The following SETD1B variants were observed in gnomAD, a reference collection of about 807,000 sequenced individuals.
SETD1B encodes the protein SET domain containing 1B, histone lysine methyltransferase, also known as histone-lysine N-methyltransferase SETD1B.
In SETD1B, 7 loss-of-function variants were observed where a neutral mutation model predicts 148.0. That is an observed-to-expected ratio of 0.05 (90% confidence interval 0.03 to 0.09). The LOEUF (loss-of-function observed/expected upper bound fraction) is 0.09. SETD1B is among the 10% of genes least tolerant of loss of function. The pLI is 1.00. For missense variants in SETD1B, 2,155 were observed against 2,729.9 expected, an observed-to-expected ratio of 0.79 and a Z score of 4.69; for synonymous variants, 1,361 against 1,186.5, an observed-to-expected ratio of 1.15 and a Z score of -3.02.
At chr12:121,793,592 A>C in the SETD1B span, 1 of 1,552,176 alleles carries the variant, frequency 6.4e-7, no homozygotes, top group Non-Finnish European at 8.7e-7. Context: ...TCCTGCCCGG[A>C]CCGGGGGCGG....
chr12:121,817,097 G>A lies in SETD1B; in HGVS notation c.2780G>A (p.Arg927His), dbSNP rs1238693161. ...GAGGACAGGCCGAAGCCCAAGGACC[G>A]CATCGCCTCGTGCCTGCTGGAGTCA... ...KDEDRPKPKD[R>H]IASCLLESWG... Residue 927 changes from arginine (R) to histidine (H), a missense_variant, in exon 8 of 17, where the codon CGC becomes CAC. Arg to His is a conservative substitution (Grantham distance 29, BLOSUM62 0). Coordinates refer to ENST00000604567, the MANE Select transcript of SETD1B (RefSeq NM_001353345.2). This position sits in a 1 kb window ranked among gnomAD's most constrained non-coding sequence, Gnocchi z 8.1. 5.8e-5 allele frequency: 90 copies of A among 1,548,754 alleles called. No individual in the cohort carries two copies. The highest frequency in any genetic ancestry group is 7.3e-5 in the East Asian group (3 of 40,914).
the SETD1B span, among the ~76,000 whole-genome samples, chr12:121,790,656 T>A: frequency 6.6e-6 from 1 of 152,148 alleles, no homozygotes; most frequent in Non-Finnish European, 1.5e-5. Context: ...CCAGATCTCT[T>A]CTCCCTGGGT....
At chr12:121,826,725 G>A (rs555035450) in intron 13 of SETD1B, among the ~76,000 whole-genome samples, 170 of 152,210 alleles carry the variant, frequency 1.1e-3, no homozygotes, top group Middle Eastern at 3.4e-3. Context: ...CGGATGTGCC[G>A]GACTTAGCTG....
chr12:121,816,361 C>T (rs892108235), intron 7 of SETD1B, among the ~76,000 whole-genome samples: 1 of 151,928 alleles, frequency 6.6e-6, no homozygotes, highest in Non-Finnish European at 1.5e-5. Flanking sequence ...GTAAGCAGCA[C>T]TTGTCAGAGC....
rs927501458 is a variant in SETD1B, at chr12:121,817,956, G to A, written c.3418+52G>A. The A allele has an allele frequency of 1.3e-5, 19 of 1,470,652 alleles. No homozygotes were observed. Among genetic ancestry groups the A allele is most frequent in the African/African-American group, 1.0e-4 (7 of 70,266 alleles). The allele number at this position is 1,470,652 out of a possible 1,614,324, so 91.1% of individuals were successfully genotyped here. On this transcript the variant is annotated intron_variant, in intron 10 of 16. Transcript: ENST00000604567. The surrounding 1 kb of genome is among the most constrained non-coding windows in gnomAD (Gnocchi z 8.1). The stretch of plus-strand genomic sequence containing the variant: ...GCCCTCCCGGAGTCCCTCTTTCCCC[G>A]GGGCAGAGCCTGAGCAATTGTCAGA...
In SETD1B at chr12:121,808,796, G is replaced by A. The variant is rs991697249; in HGVS notation, c.657+476G>A. ...CAGGACACAGGGACAACTCTCGCGT[G>A]GGGCGAGTCTCATGCCAGCTCCTCC... On this transcript the variant is annotated intron_variant, in intron 5 of 16. Coordinates refer to ENST00000604567, the MANE Select transcript of SETD1B (RefSeq NM_001353345.2). The surrounding 1 kb of genome is among the most constrained non-coding windows in gnomAD (Gnocchi z 5.3). 3.3e-5 allele frequency among the ~76,000 whole-genome samples: 5 copies of A among 152,220 alleles called. No individual in the cohort carries two copies. The highest frequency in any genetic ancestry group is 1.2e-4 in the African/African-American group (5 of 41,452).
In SETD1B at chr12:121,804,714, T is replaced by C. The variant is rs1339972832; in HGVS notation, c.-14-10T>C. 1.3e-6 allele frequency: 2 copies of C among 1,546,420 alleles called. No homozygotes were observed. The highest frequency in any genetic ancestry group is 2.4e-5 in the South Asian group (2 of 83,660). On this transcript the variant is annotated splice_polypyrimidine_tract_variant and intron_variant, in intron 1 of 16. Coordinates refer to ENST00000604567, the MANE Select transcript of SETD1B (RefSeq NM_001353345.2). This position sits in a 1 kb window ranked among gnomAD's most constrained non-coding sequence, Gnocchi z 4.6. ...CGCGGCGGAGACGACAACAACTTGC[T>C]GGTTTTCAGGTTGGGTTAACGGCAT...
At position 121,827,449 on chromosome 12, in the gene SETD1B, TC is replaced by T. The variant is rs1312183746; in HGVS notation, c.5338-68del. 3.4e-6 allele frequency: 5 copies of T among 1,457,012 alleles called. No individual in the cohort carries two copies. The Admixed American group carries it at 1.2e-4, about 36-fold the overall frequency. 90.3% of individuals were successfully genotyped at this position (1,457,012 alleles called of 1,614,324 possible). On this transcript the variant is annotated intron_variant, in intron 13 of 16. Coordinates refer to ENST00000604567, the MANE Select transcript of SETD1B (RefSeq NM_001353345.2). ...CCCAGGACACTGGGGATGACAGAGA[TC>T]CAGAGCCTAGGGTGGGACCGCCGAG...
chr12:121,829,440 G>A (rs1386573091), intron 16 of SETD1B, among the ~76,000 whole-genome samples: 1 of 152,206 alleles, frequency 6.6e-6, no homozygotes, highest in Non-Finnish European at 1.5e-5. Flanking sequence ...TCTGGGGCCT[G>A]GGTGTGTGGT....
At chr12:121,793,317 C>T in the SETD1B span, 1 of 1,458,264 alleles carries the variant, frequency 6.9e-7, no homozygotes. Context: ...CTGTCCACCC[C>T]CCTCACTCGT....
At chr12:121,824,984 A>T (rs1876770141) in intron 12 of SETD1B, among the ~76,000 whole-genome samples, 2 of 151,350 alleles carry the variant, frequency 1.3e-5, no homozygotes, top group South Asian at 4.2e-4. Flanking sequence ...TGTCTCAAAA[A>T]AAAAAAAAAA....
chr12:121,805,077 G>C lies in SETD1B; in HGVS notation c.175-41G>C. 1 of 1,535,244 alleles carries C rather than the reference G, an allele frequency of 6.5e-7. No individual in the cohort carries two copies. The highest frequency in any genetic ancestry group is 8.8e-7 in the Non-Finnish European group (1 of 1,132,396). Reference sequence around the variant, plus strand: ...AAAGGGGTCTGCCCATGGGGAGGGGGACCAGTTCTCTCATCCCGGCCCCCC... The same window carrying C: ...AAAGGGGTCTGCCCATGGGGAGGGGCACCAGTTCTCTCATCCCGGCCCCCC... On this transcript the variant is annotated intron_variant, in intron 2 of 16. Transcript: ENST00000604567. The surrounding 1 kb of genome is among the most constrained non-coding windows in gnomAD (Gnocchi z 4.2).
intron 7 of SETD1B, among the ~76,000 whole-genome samples, chr12:121,815,880 T>G (rs140685269): frequency 2.9e-4 from 43 of 147,438 alleles, no homozygotes; most frequent in African/African-American, 1.0e-3. Context: ...CTGGCTGGAG[T>G]GCAATGGCGT....
chr12:121,827,813 G>A lies in SETD1B; in HGVS notation c.5548G>A (p.Asp1850Asn). 2 of 1,560,162 alleles carry A rather than the reference G, an allele frequency of 1.3e-6. No homozygotes were observed. Among genetic ancestry groups the A allele is most frequent in the Non-Finnish European group, 1.7e-6 (2 of 1,151,308 alleles). ...GLFAMEPIAADEMVIEYVGQN... is the reference protein window; with the variant it reads ...GLFAMEPIAANEMVIEYVGQN... ...GTTCGCCATGGAGCCCATCGCGGCT[G>A]ACGAGATGGTCATCGAGTACGTGGG... The change falls in exon 15 of 17, where the codon GAC becomes AAC. Residue 1850 changes from aspartate to asparagine, a missense_variant. Asp to Asn is a conservative substitution (Grantham distance 23, BLOSUM62 1). This residue lies in a region of SETD1B where 51 missense variants were observed against 162.8 expected (regional missense o/e 0.31). Transcript: ENST00000604567.
At chr12:121,829,642 G>A (rs1877000061) in intron 16 of SETD1B, among the ~76,000 whole-genome samples, 1 of 152,322 alleles carries the variant, frequency 6.6e-6, no homozygotes, top group Admixed American at 6.5e-5. Flanking sequence ...GGCAACTACT[G>A]AACTTGGCTA....
chr12:121,797,185 C>G, the SETD1B span: 5 of 348,242 alleles, frequency 1.4e-5, no homozygotes, highest in Admixed American at 3.9e-5. Context: ...GAGGCTGTGT[C>G]TCCACCCAGA....
the SETD1B span, among the ~76,000 whole-genome samples, chr12:121,791,103 G>A: frequency 1.3e-5 from 2 of 151,634 alleles, no homozygotes; most frequent in South Asian, 2.1e-4. Context: ...TGAACTCCTG[G>A]CTTCAAGCAA....
intron 16 of SETD1B, 77 bp from the exon 17 acceptor site, chr12:121,829,989 G>T: frequency 7.2e-7 from 1 of 1,395,318 alleles, no homozygotes; most frequent in Non-Finnish European, 9.7e-7. Flanking sequence ...CACAGGCCTG[G>T]TTGGGTTTGG....
chr12:121,823,615 C>G lies in SETD1B; in HGVS notation c.5036C>G (p.Thr1679Ser), dbSNP rs1160885509. Residue 1679 changes from threonine to serine, a missense_variant, in exon 12 of 17, where the codon ACC becomes AGC. Transcript: ENST00000604567. ...FRPRSEFEEM[T>S]ILYDIWNGGI... Reference sequence around the variant, plus strand: ...CCCCGCTCGGAGTTTGAGGAGATGACCATCCTGTATGACATCTGGAACGGT... The same window carrying G: ...CCCCGCTCGGAGTTTGAGGAGATGAGCATCCTGTATGACATCTGGAACGGT... 1 of 1,551,540 alleles carries G rather than the reference C, an allele frequency of 6.4e-7. No homozygotes were observed. The highest frequency in any genetic ancestry group is 2.0e-5 in the Admixed American group (1 of 51,002).
Sources: gnomAD v4.1 joint callset for allele counts (sites outside exome capture counted in the v4.1 genomes callset) on GRCh38, gnomAD v4.1.1 for gene constraint, gnomAD v4.1.1 regional missense constraint, Gnocchi (gnomAD v3.1) non-coding constraint, MANE v1.5 for transcripts, NCBI Gene and HGNC (gene_info 2026-07-23, HGNC 2026-07-21) for gene names.